HCRTR2: variants seen among roughly 807,000 people sequenced by gnomAD.
HCRTR2 encodes orexin receptor type 2.
Under a neutral mutation model 49.0 loss-of-function variants are expected in HCRTR2, and 22 were observed. The ratio of observed to expected loss-of-function variants is 0.45; its 90% CI spans 0.32 to 0.64. The LOEUF is 0.64. Among genes scored for constraint, HCRTR2 ranks in the 30% least tolerant of loss-of-function variants. HCRTR2 has a pLI of 0.04. For missense variants in HCRTR2, 491 were observed against 559.4 expected (o/e 0.88, Z 1.23); for synonymous variants, 236 against 205.3 (o/e 1.15, Z -1.28).
chr6:55,120,012 G>A (rs748718722), intron 1 of HCRTR2, among the ~76,000 whole-genome samples: 12 of 152,024 alleles, frequency 7.9e-5, no homozygotes, highest in Admixed American at 2.6e-4. Context: ...TCCCAACACC[G>A]TTTATTAAAT....
At chr6:55,153,594 T>C (rs1202285131) in intron 1 of HCRTR2, among the ~76,000 whole-genome samples, 5 of 152,026 alleles carry the variant, frequency 3.3e-5, no homozygotes, top group African/African-American at 1.2e-4. Flanking sequence ...TATGATAGTA[T>C]CATGCTGTTT....
intron 4 of HCRTR2, among the ~76,000 whole-genome samples, chr6:55,264,871 TGGAGTC>T (rs1407642962): frequency 6.6e-6 from 1 of 152,162 alleles, no homozygotes; most frequent in African/African-American, 2.4e-5. Context: ...AAAGATTTAC[TGGAGTC>T]ACCTTAATTC....
In HCRTR2 at chr6:55,130,682, C is replaced by T. The variant is rs150055384; in HGVS notation, c.-378+24137C>T. ...CTTAACAAAGCACATAGAACCTGGCCTTGGCCTTTAAATCTCCAATCTCTT... is the reference window on the plus strand; with the variant it reads ...CTTAACAAAGCACATAGAACCTGGCTTTGGCCTTTAAATCTCCAATCTCTT... On this transcript the variant is annotated intron_variant, in intron 1 of 7. Coordinates refer to the HCRTR2 transcript ENST00000615358. 2.6e-3 allele frequency among the ~76,000 whole-genome samples: 393 copies of T among 151,910 alleles called. 2 individuals are homozygous for T. The highest frequency in any genetic ancestry group is 9.1e-3 in the African/African-American group (376 of 41,516).
At chr6:55,159,150 A>T (rs965363218) in intron 1 of HCRTR2, among the ~76,000 whole-genome samples, 5 of 152,160 alleles carry the variant, frequency 3.3e-5, no homozygotes, top group Admixed American at 2.6e-4. Flanking sequence ...TCTACTGGTG[A>T]TACCCAGGCA....
intron 1 of HCRTR2, among the ~76,000 whole-genome samples, chr6:55,245,503 A>C (rs113772687): frequency 0.17 from 20,964 of 124,234 alleles, 2,128 homozygotes; most frequent in Middle Eastern, 0.25. Flanking sequence ...ATATATATAT[A>C]TATCTTCCCC....
At chr6:55,183,386 T>C (rs1339151376) in intron 1 of HCRTR2, among the ~76,000 whole-genome samples, 1 of 152,164 alleles carries the variant, frequency 6.6e-6, no homozygotes, top group Non-Finnish European at 1.5e-5. Flanking sequence ...TGAAATAGAA[T>C]GAGCTATGAA....
At chr6:55,284,149 AAT>A (rs1200498043), downstream of HCRTR2, among the ~76,000 whole-genome samples, 1 of 152,150 alleles carries the variant, frequency 6.6e-6, no homozygotes, top group Non-Finnish European at 1.5e-5. Context: ...AATAGCCAGT[AAT>A]AGCTCAGAGG....
At chr6:55,188,174 G>T (rs1368886748) in intron 1 of HCRTR2, among the ~76,000 whole-genome samples, 3 of 152,092 alleles carry the variant, frequency 2.0e-5, no homozygotes, top group Non-Finnish European at 4.4e-5. Flanking sequence ...ATGACCTGTG[G>T]GATTTAAACA....
intron 1 of HCRTR2, among the ~76,000 whole-genome samples, chr6:55,137,259 T>C (rs865841775): frequency 3.0e-4 from 46 of 152,190 alleles, no homozygotes; most frequent in Middle Eastern, 3.4e-3. Flanking sequence ...ACAAAACACA[T>C]CAAGCATGCT....
At chr6:55,222,424 C>T (rs904156480) in intron 1 of HCRTR2, among the ~76,000 whole-genome samples, 5 of 152,064 alleles carry the variant, frequency 3.3e-5, no homozygotes, top group Non-Finnish European at 5.9e-5. Context: ...ATCCAGTAAT[C>T]CCACTTTTAG....
intron 4 of HCRTR2, among the ~76,000 whole-genome samples, chr6:55,270,057 A>G (rs1766943859): frequency 6.6e-6 from 1 of 152,214 alleles, no homozygotes; most frequent in African/African-American, 2.4e-5. Flanking sequence ...ATAATTCCCT[A>G]AAAAGAGAAT....
At chr6:55,241,241 C>T (rs1046863701) in intron 1 of HCRTR2, among the ~76,000 whole-genome samples, 1 of 150,474 alleles carries the variant, frequency 6.6e-6, no homozygotes, top group Admixed American at 6.7e-5. Context: ...TTTGTTCTTG[C>T]GATAGTTTAC....
intron 1 of HCRTR2, among the ~76,000 whole-genome samples, chr6:55,199,301 G>C (rs1765469924): frequency 6.6e-6 from 1 of 151,596 alleles, no homozygotes; most frequent in Non-Finnish European, 1.5e-5. Flanking sequence ...ATAAAGTTGG[G>C]AATACTTCAC....
chr6:55,224,388 C>A (rs527443555), intron 1 of HCRTR2, among the ~76,000 whole-genome samples: 5 of 151,882 alleles, frequency 3.3e-5, no homozygotes, highest in Non-Finnish European at 5.9e-5. Context: ...GAGGCCGAGG[C>A]GGGCAGATCA....
At chr6:55,216,089 T>C (rs1243294025) in intron 1 of HCRTR2, among the ~76,000 whole-genome samples, 1 of 152,178 alleles carries the variant, frequency 6.6e-6, no homozygotes, top group Non-Finnish European at 1.5e-5. Flanking sequence ...CATAGTCCTA[T>C]GAAAACACAT....
At chr6:55,258,761 A>G (rs914343485) in intron 3 of HCRTR2, among the ~76,000 whole-genome samples, 54 of 152,162 alleles carry the variant, frequency 3.5e-4, no homozygotes, top group Non-Finnish European at 6.2e-4. Flanking sequence ...TCCTACAGAA[A>G]GAAATTCTTT....
downstream of HCRTR2, among the ~76,000 whole-genome samples, chr6:55,282,900 A>ATTT (rs1562033830): frequency 1.3e-4 from 20 of 151,498 alleles, no homozygotes; most frequent in South Asian, 4.2e-4. Context: ...AGTTTTTTTA[A>ATTT]AAAAAATCAC....
At chr6:55,154,665 G>A (rs1173375567) in intron 1 of HCRTR2, among the ~76,000 whole-genome samples, 3 of 150,664 alleles carry the variant, frequency 2.0e-5, no homozygotes, top group African/African-American at 4.9e-5. Context: ...TCCTAGTCTG[G>A]ACAATTGGGC....
intron 4 of HCRTR2, among the ~76,000 whole-genome samples, chr6:55,269,885 G>A (rs889703706): frequency 1.2e-4 from 18 of 152,074 alleles, no homozygotes; most frequent in African/African-American, 4.3e-4. Flanking sequence ...AATCATTTGA[G>A]CCTCAGAGGT....
Sources: gnomAD v4.1 joint callset for allele counts (sites outside exome capture counted in the v4.1 genomes callset) on GRCh38, gnomAD v4.1.1 for gene constraint, MANE v1.5 for transcripts, NCBI Gene and HGNC (gene_info 2026-07-23, HGNC 2026-07-21) for gene names.